Variants in SLC25A28 observed in about 807,000 individuals in gnomAD.
The protein encoded by SLC25A28 is solute carrier family 25 member 28.
Under a neutral mutation model 31.9 loss-of-function variants are expected in SLC25A28, and 10 were observed. The observed-to-expected ratio is 0.31, with a 90% CI of 0.19 to 0.53. SLC25A28 has a LOEUF of 0.53. Ranked by LOEUF, SLC25A28 falls within the 20% of genes least tolerant of loss-of-function variation. The pLI is 0.95. For synonymous variants in SLC25A28, 208 were observed against 203.6 expected, an observed-to-expected ratio of 1.02 and a Z score of -0.19; for missense variants, 256 against 490.3, an observed-to-expected ratio of 0.52 and a Z score of 4.51.
chr10:99,651,589 C>CTTTTATTTTTTT, the SLC25A28 span, among the ~76,000 whole-genome samples: 1 of 43,154 alleles, frequency 2.3e-5, no homozygotes, highest in Non-Finnish European at 5.2e-5. Flanking sequence ...TTGCCTTTTT[C>CTTTTATTTTTTT]TTTTCTTTTT....
chr10:99,610,686 A>G lies in SLC25A28; in HGVS notation c.*163T>C. ...GCCTGGAAGGAAAGGTGGTGGCAAC[A>G]GAGGTTGGCAGGAACTGGTGTTAGT... On this transcript the variant is annotated 3_prime_UTR_variant, in exon 4 of 4. Coordinates refer to ENST00000370495, the MANE Select transcript of SLC25A28 (RefSeq NM_031212.4). The G allele has an allele frequency of 1.3e-6, 1 of 782,902 alleles. No homozygotes were observed. Among genetic ancestry groups the G allele is most frequent in the Non-Finnish European group, 2.0e-6 (1 of 496,984 alleles). The allele number at this position is 782,902 out of a possible 1,614,324, so 48.5% of individuals were successfully genotyped here. A position where few individuals can be genotyped will look rare whatever the true frequency, so the allele number is the denominator to read the frequency against.
chr10:99,620,844 C>T (rs1327943051), upstream of SLC25A28: 1 of 985,358 alleles, frequency 1.0e-6, no homozygotes, highest in Non-Finnish European at 1.2e-6. Context: ...TCGGGCCCCT[C>T]ACTAGCGCCT....
At position 99,620,151 on chromosome 10, in the gene SLC25A28, T is replaced by C. The variant is rs2133362030; in HGVS notation, c.185A>G (p.Asp62Gly). 2 of 1,572,158 alleles carry C rather than the reference T, an allele frequency of 1.3e-6. No individual in the cohort carries two copies. The highest frequency in any genetic ancestry group is 1.7e-6 in the Non-Finnish European group (2 of 1,167,244). ...PVRQDPDSGP[D>G]YEALPAGATV... ...GGCTCCAGCCGGCAGCGCCTCGTAG[T>C]CCGGGCCGGAGTCCGGATCTTGTCG... The change falls in exon 1 of 4, where the codon GAC (aspartate) becomes GGC (glycine). Residue 62 changes from aspartate to glycine, a missense_variant. Asp to Gly is a moderately conservative substitution (Grantham distance 94, BLOSUM62 -1). Transcript: ENST00000370495.
chr10:99,620,957 T>C, upstream of SLC25A28: 1 of 985,230 alleles, frequency 1.0e-6, no homozygotes. Context: ...CGCGCTCCCG[T>C]GCGCTCCTCA....
At chr10:99,643,705 T>C in the SLC25A28 span, among the ~76,000 whole-genome samples, 1 of 152,196 alleles carries the variant, frequency 6.6e-6, no homozygotes, top group African/African-American at 2.4e-5. Flanking sequence ...GGGCATTTAA[T>C]GCTATAAATT....
At chr10:99,619,217 C>A (rs2034728268) in intron 1 of SLC25A28, 1 of 985,290 alleles carries the variant, frequency 1.0e-6, no homozygotes, top group Admixed American at 6.2e-5. Flanking sequence ...TCTTGTTGAT[C>A]TCTTTCCATT....
Position 99,620,026 on chromosome 10 carries a change from A to G in SLC25A28, c.291+19T>C, listed in dbSNP as rs1437937566. On this transcript the variant is annotated intron_variant, in intron 1 of 3. Coordinates refer to ENST00000370495, the MANE Select transcript of SLC25A28 (RefSeq NM_031212.4). The stretch of plus-strand genomic sequence containing the variant: ...CGGGTCAGCCCCAGGTCGGGTTCGA[A>G]GCCGGGTGCAGGTCTCACCTTGACG... The G allele has an allele frequency of 1.9e-6, 3 of 1,563,820 alleles. No individual in the cohort carries two copies. The highest frequency in any genetic ancestry group is 2.6e-6 in the Non-Finnish European group (3 of 1,161,214).
At chr10:99,648,593 T>A in the SLC25A28 span, among the ~76,000 whole-genome samples, 7 of 152,158 alleles carry the variant, frequency 4.6e-5, no homozygotes, top group Admixed American at 4.6e-4. Context: ...CATGGGATGT[T>A]TTTCCATTTG....
the SLC25A28 span, among the ~76,000 whole-genome samples, chr10:99,642,509 G>A: frequency 2.0e-5 from 3 of 152,108 alleles, no homozygotes; most frequent in Admixed American, 6.5e-5. Flanking sequence ...CATGTCATCC[G>A]CAAACAGGGA....
chr10:99,622,522 CTT>C (rs541969041), upstream of SLC25A28: 275 of 431,078 alleles, frequency 6.4e-4, 1 homozygote, highest in Middle Eastern at 2.4e-3. Context: ...TCCTTAAGCT[CTT>C]TACATTTTTC....
At chr10:99,620,915 A>G, upstream of SLC25A28, 2 of 985,060 alleles carry the variant, frequency 2.0e-6, no homozygotes, top group Non-Finnish European at 2.4e-6. Flanking sequence ...CAGGCCTTCA[A>G]CGTCAAACTG....
intron 1 of SLC25A28, chr10:99,615,699 C>T (rs1406626146): frequency 3.5e-5 from 34 of 985,280 alleles, no homozygotes; most frequent in Non-Finnish European, 4.1e-5. Context: ...ATATAAAATC[C>T]ATCAGAAGAG....
the SLC25A28 span, among the ~76,000 whole-genome samples, chr10:99,630,963 A>G: frequency 6.6e-6 from 1 of 152,180 alleles, no homozygotes; most frequent in Non-Finnish European, 1.5e-5. Context: ...AGGTTACATC[A>G]GATGGAGGGA....
At chr10:99,653,552 T>G in the SLC25A28 span, among the ~76,000 whole-genome samples, 29 of 152,208 alleles carry the variant, frequency 1.9e-4, no homozygotes, top group African/African-American at 5.8e-4. Context: ...GCTGCAAAGT[T>G]TTGGAGTAAT....
the SLC25A28 span, among the ~76,000 whole-genome samples, chr10:99,629,292 T>C: frequency 2.0e-5 from 3 of 152,236 alleles, no homozygotes; most frequent in Non-Finnish European, 4.4e-5. Context: ...AGAAGCAGCC[T>C]GAGGCCCTCC....
In SLC25A28 at chr10:99,613,540, T is replaced by C; in HGVS notation, c.520+156A>G. On this transcript the variant is annotated intron_variant, in intron 2 of 3. Coordinates refer to ENST00000370495, the MANE Select transcript of SLC25A28 (RefSeq NM_031212.4). The surrounding 1 kb of genome is among the most constrained non-coding windows in gnomAD (Gnocchi z 4.9). ...AAGGCAGGGTTGAAGCGGCCCGTTG[T>C]CTGAGAACATCAGGTTTGGAAGTCC... 1 of 1,483,044 alleles carries C rather than the reference T, an allele frequency of 6.7e-7. No homozygotes were observed. Among genetic ancestry groups the C allele is most frequent in the Non-Finnish European group, 8.9e-7 (1 of 1,120,392 alleles). 91.9% of individuals were successfully genotyped at this position (1,483,044 alleles called of 1,614,324 possible).
In SLC25A28 at chr10:99,616,365, G is replaced by A. The variant is rs80220076; in HGVS notation, c.292-2441C>T. The A allele has an allele frequency of 1.8e-3, 1,461 of 817,094 alleles. 19 individuals are homozygous for A. In the African/African-American group the frequency reaches 0.023, roughly 13 times the overall value. 50.6% of individuals were successfully genotyped at this position (817,094 alleles called of 1,614,324 possible). On this transcript the variant is annotated intron_variant, in intron 1 of 3. Coordinates refer to ENST00000370495, the MANE Select transcript of SLC25A28 (RefSeq NM_031212.4). ...AGAATGACTGGCTCACAGGGCTGTT[G>A]TGGGGATTAAAAGAGATAAGATATG...
In SLC25A28 at chr10:99,613,305, G is replaced by T; in HGVS notation, c.520+391C>A. The T allele has an allele frequency of 1.2e-6, 1 of 849,072 alleles. No individual in the cohort carries two copies. The highest frequency in any genetic ancestry group is 1.4e-6 in the Non-Finnish European group (1 of 705,646). The allele number at this position is 849,072 out of a possible 1,614,324, so 52.6% of individuals were successfully genotyped here. A position where few individuals can be genotyped will look rare whatever the true frequency, so the allele number is the denominator to read the frequency against. On this transcript the variant is annotated intron_variant, in intron 2 of 3. Coordinates refer to ENST00000370495, the MANE Select transcript of SLC25A28 (RefSeq NM_031212.4). The surrounding 1 kb of genome is among the most constrained non-coding windows in gnomAD (Gnocchi z 4.9). ...GAGGCAAAAAGCAGGGGCTTCATTA[G>T]TATCTTCCTTGGGTGGCTGGCTGGG... is the stretch of plus-strand genomic sequence containing the variant.
In SLC25A28 at chr10:99,620,212, CGG is replaced by C. The variant is rs2034754252; in HGVS notation, c.122_123del (p.Ala41GlyfsTer65). 1.4e-6 allele frequency: 2 copies of C among 1,402,108 alleles called. No homozygotes were observed. The highest frequency in any genetic ancestry group is 6.1e-5 in the East Asian group (2 of 32,956). The allele number at this position is 1,402,108 out of a possible 1,614,324, so 86.9% of individuals were successfully genotyped here. A position where few individuals can be genotyped will look rare whatever the true frequency, so the allele number is the denominator to read the frequency against. On this transcript the variant is annotated frameshift_variant, in exon 1 of 4. Coordinates refer to ENST00000370495, the MANE Select transcript of SLC25A28 (RefSeq NM_031212.4). LOFTEE classifies it high-confidence loss of function. ...CTGCAGGCCCCGGCCTCCCCGCCGC[CGG>C]CCCCCCGGCCCACGCCCCGCTGCAG... is the stretch of plus-strand genomic sequence containing the variant. ...GWLQRGVGRG[A>X]GGGEAGACRP...
Sources: gnomAD v4.1 joint callset for allele counts (sites outside exome capture counted in the v4.1 genomes callset) on GRCh38, gnomAD v4.1.1 for gene constraint, Gnocchi (gnomAD v3.1) non-coding constraint, MANE v1.5 for transcripts, NCBI Gene and HGNC (gene_info 2026-07-23, HGNC 2026-07-21) for gene names.